The following SNCAIP variants were observed in gnomAD, a reference collection of about 807,000 sequenced individuals.
SNCAIP encodes the protein synuclein alpha interacting protein, also known as synphilin-1.
Under a neutral mutation model 86.7 loss-of-function variants are expected in SNCAIP, and 43 were observed. The observed-to-expected ratio is 0.50, with a 90% CI of 0.39 to 0.64. SNCAIP has a LOEUF of 0.64. Ranked by LOEUF, SNCAIP falls within the 30% of genes least tolerant of loss-of-function variation. The probability of loss-of-function intolerance (pLI) is 0.00; values close to 1 mark genes in which losing one functional copy is unlikely to be tolerated. For missense variants in SNCAIP, 981 were observed against 1,103.1 expected, an observed-to-expected ratio of 0.89 and a Z score of 1.57; for synonymous variants, 417 against 427.2, an observed-to-expected ratio of 0.98 and a Z score of 0.29.
At chr5:122,313,382 A>T (rs1267628399) in intron 1 of SNCAIP, among the ~76,000 whole-genome samples, 4 of 152,236 alleles carry the variant, frequency 2.6e-5, no homozygotes, top group Admixed American at 2.6e-4. Flanking sequence ...TGCAAAATGA[A>T]ATAAGGGCTG....
rs748111078 is a variant in SNCAIP, at chr5:122,432,093, G to GT, written c.1296+17dup. On this transcript the variant is annotated intron_variant, in intron 6 of 10. Transcript: ENST00000261368. ...GGTTGCTATGGCCAGGTATGAAGGA[G>GT]TTTTTTAAGTATCTTCCCTTTGTGT... 1 of 1,126,972 alleles carries GT rather than the reference G, an allele frequency of 8.9e-7. No individual in the cohort carries two copies. Among genetic ancestry groups the GT allele is most frequent in the African/African-American group, 1.5e-5 (1 of 65,754 alleles). 69.8% of individuals were successfully genotyped at this position (1,126,972 alleles called of 1,614,324 possible). A position where few individuals can be genotyped will look rare whatever the true frequency, so the allele number is the denominator to read the frequency against.
chr5:122,404,656 C>G lies in SNCAIP; in HGVS notation c.130+791C>G, dbSNP rs547585603. ...TAACCTTCCCAAAGCTGGACCTACT[C>G]TGATAGTCACTAGAATCCTGAGAAC... On this transcript the variant is annotated intron_variant, in intron 3 of 10. Transcript: ENST00000261368. Among the ~76,000 whole-genome samples, 7 of 152,324 alleles carry G rather than the reference C, an allele frequency of 4.6e-5. 1 individual carries two copies. The South Asian group carries it at 1.5e-3, about 32-fold the overall frequency.
chr5:122,463,462 T>G (rs1272466039), intron 10 of SNCAIP, 29 bp from the exon 11 acceptor site: 1 of 1,322,244 alleles, frequency 7.6e-7, no homozygotes, highest in Non-Finnish European at 1.1e-6. Context: ...TTTTATCTAA[T>G]TTTGGCCTGT....
At position 122,449,840 on chromosome 5, in the gene SNCAIP, C is replaced by T; in HGVS notation, c.1593-5C>T. ...GTCCTCATGTGTTTTGGTTGTTTTC[C>T]CCAGACAAACAGTAGAACGTGTCAC... On this transcript the variant is annotated splice_polypyrimidine_tract_variant and splice_region_variant and intron_variant, in intron 8 of 10. Transcript: ENST00000261368. 2 of 1,611,518 alleles carry T rather than the reference C, an allele frequency of 1.2e-6. No homozygotes were observed. The highest frequency in any genetic ancestry group is 1.7e-6 in the Non-Finnish European group (2 of 1,177,764).
intron 1 of SNCAIP, among the ~76,000 whole-genome samples, chr5:122,383,277 A>G (rs1163656670): frequency 6.6e-6 from 1 of 152,160 alleles, no homozygotes; most frequent in African/African-American, 2.4e-5. Context: ...AAAAAGCTCA[A>G]TATTCGGGTG....
At chr5:122,429,703 A>G (rs970755586) in intron 5 of SNCAIP, among the ~76,000 whole-genome samples, 1 of 152,146 alleles carries the variant, frequency 6.6e-6, no homozygotes, top group African/African-American at 2.4e-5. Context: ...ATTTAAGGAA[A>G]GTCTGTAATT....
intron 3 of SNCAIP, among the ~76,000 whole-genome samples, chr5:122,410,827 C>A (rs2152895033): frequency 6.6e-6 from 1 of 152,232 alleles, no homozygotes; most frequent in East Asian, 1.9e-4. Context: ...TCTCAAAAAA[C>A]AAACAAACAA....
chr5:122,440,353 C>T (rs1220550751), intron 6 of SNCAIP: 4 of 415,116 alleles, frequency 9.6e-6, no homozygotes, highest in Non-Finnish European at 1.4e-5. Context: ...CTCAATCTTA[C>T]TGCAAACCTA....
intron 1 of SNCAIP, among the ~76,000 whole-genome samples, chr5:122,328,832 G>A (rs1265953306): frequency 1.3e-5 from 2 of 152,110 alleles, no homozygotes; most frequent in African/African-American, 4.8e-5. Flanking sequence ...TGGGACCCAT[G>A]GCCAGTCCCT....
intron 1 of SNCAIP, among the ~76,000 whole-genome samples, chr5:122,367,182 T>C (rs1240517433): frequency 6.6e-6 from 1 of 151,804 alleles, no homozygotes; most frequent in African/African-American, 2.4e-5. Flanking sequence ...TACACATAGG[T>C]ATTAGTGGGT....
At chr5:122,442,503 A>G (rs1230409527) in intron 7 of SNCAIP, among the ~76,000 whole-genome samples, 2 of 152,196 alleles carry the variant, frequency 1.3e-5, no homozygotes, top group Non-Finnish European at 1.5e-5. Context: ...TTAAGGCATC[A>G]AGTTTTTAAA....
chr5:122,311,500 T>G (rs1750583716), upstream of SNCAIP: 1 of 152,196 alleles, frequency 6.6e-6, no homozygotes, highest in African/African-American at 2.4e-5. Flanking sequence ...TTCTCAGACA[T>G]GAGTTTCCCA....
chr5:122,380,284 G>A lies in SNCAIP; in HGVS notation c.-46-10805G>A, dbSNP rs190910815. 7.4e-3 allele frequency among the ~76,000 whole-genome samples: 1,126 copies of A among 152,202 alleles called. 29 individuals are homozygous for A. Among genetic ancestry groups the A allele is most frequent in the Admixed American group, 0.032 (491 of 15,292 alleles). On this transcript the variant is annotated intron_variant, in intron 1 of 10. Transcript: ENST00000261368. The stretch of plus-strand genomic sequence containing the variant: ...TTATTCTTGGGAGAGTGTATGTGTC[G>A]AGGAATTTATCCATTTCTTCTAGAT...
At chr5:122,334,914 G>A (rs1168553533) in intron 1 of SNCAIP, among the ~76,000 whole-genome samples, 2 of 152,178 alleles carry the variant, frequency 1.3e-5, no homozygotes, top group African/African-American at 4.8e-5. Context: ...CCCTATAGGT[G>A]TGGATTTGGG....
intron 4 of SNCAIP, 36 bp downstream of exon 4, chr5:122,423,775 A>G (rs1275594456): frequency 3.9e-6 from 6 of 1,553,614 alleles, no homozygotes; most frequent in Non-Finnish European, 5.2e-6. Flanking sequence ...ATGTCAATAG[A>G]CTGGAGACTC....
intron 10 of SNCAIP, among the ~76,000 whole-genome samples, chr5:122,462,334 G>GTA (rs1222842129): frequency 6.6e-6 from 1 of 152,016 alleles, no homozygotes; most frequent in Admixed American, 6.6e-5. Flanking sequence ...TTTGTCTGTT[G>GTA]TATCCTCTCC....
intron 1 of SNCAIP, among the ~76,000 whole-genome samples, chr5:122,366,621 A>T (rs1763249103): frequency 6.6e-6 from 1 of 152,196 alleles, no homozygotes; most frequent in South Asian, 2.1e-4. Context: ...TATCAGCATA[A>T]GCCAAAGCAC....
chr5:122,440,634 G>T lies in SNCAIP; in HGVS notation c.1302G>T (p.Lys434Asn). 1.2e-6 allele frequency: 2 copies of T among 1,613,824 alleles called. No individual in the cohort carries two copies. Among genetic ancestry groups the T allele is most frequent in the Non-Finnish European group, 1.7e-6 (2 of 1,179,730 alleles). ...IHYAGCYGQE[K>N]ILLWLLQFMQ... The stretch of plus-strand genomic sequence containing the variant: ...AACTGTCTTTGTGTTTATAGGAAAA[G>T]ATTCTTCTGTGGCTTCTTCAGTTTA... The change falls in exon 7 of 11, where the codon AAG (lysine) becomes AAT (asparagine). Residue 434 changes from lysine to asparagine, a missense_variant. Coordinates refer to ENST00000261368, the MANE Select transcript of SNCAIP (RefSeq NM_005460.4).
At chr5:122,369,790 G>C in intron 1 of SNCAIP, 1 of 152,142 alleles carries the variant, frequency 6.6e-6, no homozygotes. Flanking sequence ...TCTGAGAAAT[G>C]GGCTTTCTGC....
Sources: allele counts gnomAD v4.1 joint callset (sites outside exome capture counted in the v4.1 genomes callset), GRCh38; gene constraint gnomAD v4.1.1; transcripts MANE v1.5; gene names NCBI Gene and HGNC (gene_info 2026-07-23, HGNC 2026-07-21).